The following SV2C variants were observed in gnomAD, a reference collection of about 807,000 sequenced individuals.
The protein encoded by SV2C is synaptic vesicle glycoprotein 2C, also known as solute carrier family 22 member B3.
Under a neutral mutation model 79.7 loss-of-function variants are expected in SV2C, and 49 were observed. That is an observed-to-expected ratio of 0.61 (90% CI 0.49 to 0.78). The LOEUF (loss-of-function observed/expected upper bound fraction) is 0.78. Ranked by LOEUF, SV2C falls within the 30% of genes least tolerant of loss-of-function variation. SV2C has a pLI of 0.00. For synonymous variants in SV2C, 334 were observed against 333.2 expected, an observed-to-expected ratio of 1.00 and a Z score of -0.03; for missense variants, 833 against 912.9, an observed-to-expected ratio of 0.91 and a Z score of 1.13.
chr5:75,849,619 T>G, the SV2C span, among the ~76,000 whole-genome samples: 1 of 152,360 alleles, frequency 6.6e-6, no homozygotes, highest in African/African-American at 2.4e-5. Context: ...ATCTATCTTA[T>G]GCAAACTGAA....
chr5:76,257,478 G>T (rs1219944844), intron 4 of SV2C, among the ~76,000 whole-genome samples: 3 of 132,678 alleles, frequency 2.3e-5, no homozygotes, highest in African/African-American at 5.0e-5. Flanking sequence ...CGGTGTGTAT[G>T]GGTGTGTGGG....
chr5:76,057,884 G>A, the SV2C span, among the ~76,000 whole-genome samples: 1 of 152,028 alleles, frequency 6.6e-6, no homozygotes, highest in Non-Finnish European at 1.5e-5. Context: ...ATTTTTCCTT[G>A]AAACAGCGTG....
the SV2C span, among the ~76,000 whole-genome samples, chr5:75,919,826 T>G: frequency 6.6e-6 from 1 of 152,238 alleles, no homozygotes; most frequent in African/African-American, 2.4e-5. Flanking sequence ...TGTACAGCAT[T>G]CTCATTGTCT....
At chr5:76,029,623 T>G in the SV2C span, among the ~76,000 whole-genome samples, 1 of 152,166 alleles carries the variant, frequency 6.6e-6, no homozygotes, top group Non-Finnish European at 1.5e-5. Flanking sequence ...AGGCAAAAAT[T>G]TACACTTATT....
intron 2 of SV2C, among the ~76,000 whole-genome samples, chr5:76,182,212 G>C (rs1743755461): frequency 1.3e-5 from 2 of 152,042 alleles, no homozygotes; most frequent in African/African-American, 2.4e-5. Context: ...TGTTCACATA[G>C]AGTAGAATGA....
chr5:76,054,003 T>C, the SV2C span, among the ~76,000 whole-genome samples: 1 of 152,204 alleles, frequency 6.6e-6, no homozygotes, highest in Non-Finnish European at 1.5e-5. Context: ...TTACTTTAGG[T>C]TCCAGGATGC....
upstream of SV2C, among the ~76,000 whole-genome samples, chr5:76,080,817 A>G (rs981087899): frequency 6.6e-6 from 1 of 152,180 alleles, no homozygotes; most frequent in Non-Finnish European, 1.5e-5. Flanking sequence ...CTACAAGACA[A>G]GTGTTTTCAG....
Position 76,300,788 on chromosome 5 carries a change from A to C in SV2C, c.1696A>C (p.Lys566Gln). ...TAAAAACTGCTCGTTTTTTCACAAC[A>C]AGACGGGATGTCAGATTACCTTTGA... The part of the protein sequence containing the change: ...EFKNCSFFHN[K>Q]TGCQITFDDD... Residue 566 changes from lysine to glutamine, a missense_variant, in exon 11 of 13, where the codon AAG becomes CAG. Transcript: ENST00000502798. 1.2e-6 allele frequency: 2 copies of C among 1,614,176 alleles called. No individual in the cohort carries two copies. The highest frequency in any genetic ancestry group is 1.7e-6 in the Non-Finnish European group (2 of 1,179,996).
At chr5:76,266,264 G>A (rs1027501879) in intron 4 of SV2C, among the ~76,000 whole-genome samples, 1 of 152,172 alleles carries the variant, frequency 6.6e-6, no homozygotes, top group Non-Finnish European at 1.5e-5. Flanking sequence ...CTGGAGTGCA[G>A]TGGCACAATC....
intron 4 of SV2C, among the ~76,000 whole-genome samples, chr5:76,248,113 A>G (rs191192633): frequency 6.6e-6 from 1 of 152,222 alleles, no homozygotes; most frequent in African/African-American, 2.4e-5. Context: ...TTAATGGAAG[A>G]ACACACTATT....
chr5:76,173,580 G>A lies in SV2C; in HGVS notation c.581-21339G>A, dbSNP rs778311096. ...GTTGGAATGCTGGCACTGTTGAATT[G>A]GGCAACAGTTCTTCAGACCTGGCTC... On this transcript the variant is annotated intron_variant, in intron 2 of 12. Transcript: ENST00000502798. 3 of 1,546,936 alleles carry A rather than the reference G, an allele frequency of 1.9e-6. No individual in the cohort carries two copies. In the African/African-American group the frequency reaches 4.1e-5, roughly 21 times the overall value.
the SV2C span, chr5:75,920,937 T>G: frequency 5.5e-6 from 4 of 729,010 alleles, no homozygotes; most frequent in Non-Finnish European, 1.0e-5. Flanking sequence ...CTGGCAAAGC[T>G]CTTGGTGATG....
At chr5:76,032,039 T>C in the SV2C span, among the ~76,000 whole-genome samples, 1 of 152,304 alleles carries the variant, frequency 6.6e-6, no homozygotes, top group East Asian at 1.9e-4. Flanking sequence ...ACTCTACATA[T>C]ATTTGTTTCT....
intron 1 of SV2C, among the ~76,000 whole-genome samples, chr5:76,127,413 C>T (rs1471830841): frequency 6.6e-6 from 1 of 152,206 alleles, no homozygotes; most frequent in East Asian, 1.9e-4. Context: ...CAAAATATCA[C>T]ACACAATGAT....
At chr5:76,257,907 G>GGT (rs144362783) in intron 4 of SV2C, among the ~76,000 whole-genome samples, 4 of 136,082 alleles carry the variant, frequency 2.9e-5, no homozygotes, top group Non-Finnish European at 6.4e-5. Flanking sequence ...GTGATATATG[G>GGT]GTGTGTGTGG....
chr5:76,138,035 A>T (rs939680609), intron 2 of SV2C, among the ~76,000 whole-genome samples: 1 of 152,250 alleles, frequency 6.6e-6, no homozygotes, highest in African/African-American at 2.4e-5. Context: ...GGTGTTATGA[A>T]GTAGCCAGGA....
chr5:76,291,052 T>C lies in SV2C; in HGVS notation c.1138-169T>C, dbSNP rs1380432342. On this transcript the variant is annotated intron_variant, in intron 6 of 12. Coordinates refer to ENST00000502798, the MANE Select transcript of SV2C (RefSeq NM_014979.4). Reference sequence around the variant, plus strand: ...CTTCTTCAGTTCTTCCAGGTGCTGTTTGGATCCATATACTTATGGCAGTGG... The same window carrying C: ...CTTCTTCAGTTCTTCCAGGTGCTGTCTGGATCCATATACTTATGGCAGTGG... Among the ~76,000 whole-genome samples the C allele has an allele frequency of 2.0e-5, 3 of 152,222 alleles. No homozygotes were observed. The East Asian group carries it at 5.8e-4, about 29-fold the overall frequency.
At chr5:75,884,992 A>G in the SV2C span, among the ~76,000 whole-genome samples, 1 of 152,156 alleles carries the variant, frequency 6.6e-6, no homozygotes, top group African/African-American at 2.4e-5. Flanking sequence ...AGAAACAACA[A>G]TAGAATAAAG....
At chr5:75,900,488 C>T in the SV2C span, among the ~76,000 whole-genome samples, 3 of 152,130 alleles carry the variant, frequency 2.0e-5, no homozygotes, top group African/African-American at 7.2e-5. Context: ...TCTCTGGCTG[C>T]CCTTAACATT....
Sources: allele counts gnomAD v4.1 joint callset (sites outside exome capture counted in the v4.1 genomes callset), GRCh38; gene constraint gnomAD v4.1.1; transcripts MANE v1.5; gene names NCBI Gene and HGNC (gene_info 2026-07-23, HGNC 2026-07-21).